Variants in PLK4 observed in about 807,000 individuals in gnomAD.
PLK4 encodes the protein serine/threonine-protein kinase PLK4.
A neutral mutation model predicts 103.0 loss-of-function variants in PLK4; 51 were observed. That is an observed-to-expected ratio of 0.50 (90% CI 0.40 to 0.63). The LOEUF (loss-of-function observed/expected upper bound fraction) is 0.63, where lower values mean the gene tolerates loss of function less well. PLK4 is among the 20% of genes least tolerant of loss of function. The pLI, the probability that PLK4 is intolerant of heterozygous loss-of-function variation, is 0.00. For synonymous variants in PLK4, 389 were observed against 376.8 expected (o/e 1.03, Z -0.38); for missense variants, 1,054 against 1,151.0 (o/e 0.92, Z 1.22).
intron 8 of PLK4, 146 bp from the exon 9 acceptor site, chr4:127,891,433 A>C: frequency 2.2e-6 from 1 of 448,710 alleles, no homozygotes; most frequent in Non-Finnish European, 4.0e-6. Context: ...GTTAAAAAGC[A>C]AAAAAATTAC....
chr4:127,894,017 A>G (rs1167467509), intron 13 of PLK4, 136 bp downstream of exon 13: 6 of 590,386 alleles, frequency 1.0e-5, no homozygotes, highest in East Asian at 5.7e-5. Flanking sequence ...TTTATCCCAT[A>G]CTATTTATGT....
chr4:127,883,044 T>C (rs1734987771), intron 2 of PLK4, among the ~76,000 whole-genome samples: 1 of 152,194 alleles, frequency 6.6e-6, no homozygotes, highest in Non-Finnish European at 1.5e-5. Flanking sequence ...ATTATTTAAA[T>C]TGAGATAGGA....
chr4:127,893,903 C>G, intron 13 of PLK4, 22 bp downstream of exon 13: 1 of 1,251,986 alleles, frequency 8.0e-7, no homozygotes, highest in South Asian at 1.2e-5. Flanking sequence ...TATGTCACTT[C>G]TGTACTTTAA....
At position 127,883,261 on chromosome 4, in the gene PLK4, G is replaced by T; in HGVS notation, c.127-1G>T. 1.3e-6 allele frequency: 2 copies of T among 1,487,074 alleles called. No individual in the cohort carries two copies. The highest frequency in any genetic ancestry group is 1.9e-6 in the Non-Finnish European group (2 of 1,078,692). 92.1% of individuals were successfully genotyped at this position (1,487,074 alleles called of 1,614,324 possible). A position where few individuals can be genotyped will look rare whatever the true frequency, so the allele number is the denominator to read the frequency against. ...TCAACATTTAAACCTGTTATTTTTAGATAGATAAGAAAGCCATGTACAAAG... is the reference window on the plus strand; with the variant it reads ...TCAACATTTAAACCTGTTATTTTTATATAGATAAGAAAGCCATGTACAAAG... On this transcript the variant is annotated splice_acceptor_variant, in intron 2 of 15. Transcript: ENST00000270861. LOFTEE classifies it high-confidence loss of function.
intron 8 of PLK4, 135 bp from the exon 9 acceptor site, chr4:127,891,444 T>C: frequency 2.2e-6 from 1 of 454,306 alleles, no homozygotes; most frequent in Non-Finnish European, 3.9e-6. Flanking sequence ...AAAAAATTAC[T>C]TTTACAGAAT....
At position 127,892,399 on chromosome 4, in the gene PLK4, G is replaced by A. The variant is rs867308959; in HGVS notation, c.2073G>A (p.Arg691=). 12 of 1,579,074 alleles carry A rather than the reference G, an allele frequency of 7.6e-6. No homozygotes were observed. The highest frequency in any genetic ancestry group is 1.0e-5 in the Non-Finnish European group (12 of 1,167,382). ...KYWRKYQYAS[R]FVQLVRSKSP... is the part of the protein sequence containing the mutation. ...GGCGAAAATATCAATATGCTTCCAG[G>A]TTTGTACAGCTTGTAAGATCTAAAT... The change falls in exon 10 of 16, where the codon AGG becomes AGA. Residue 691 remains arginine (R), a synonymous_variant. Transcript: ENST00000270861.
intron 4 of PLK4, among the ~76,000 whole-genome samples, chr4:127,884,534 T>A (rs1735044763): frequency 6.6e-6 from 1 of 152,240 alleles, no homozygotes; most frequent in Admixed American, 6.5e-5. Flanking sequence ...CTGGGCTCAG[T>A]GGCTCACGCC....
intron 10 of PLK4, among the ~76,000 whole-genome samples, chr4:127,892,953 T>G (rs1735419238): frequency 6.6e-6 from 1 of 152,070 alleles, no homozygotes; most frequent in African/African-American, 2.4e-5. Context: ...TGAACTATTT[T>G]TTAATCTATA....
At chr4:127,884,594 A>G (rs1429084435) in intron 4 of PLK4, among the ~76,000 whole-genome samples, 1 of 152,200 alleles carries the variant, frequency 6.6e-6, no homozygotes. Context: ...ACCTGAGGTC[A>G]GGAGTTCGAG....
intron 14 of PLK4, 136 bp downstream of exon 14, chr4:127,895,229 T>G (rs1446270071): frequency 1.8e-6 from 1 of 552,468 alleles, no homozygotes; most frequent in African/African-American, 2.0e-5. Context: ...CTTTTAACAT[T>G]GGTTATATCA....
chr4:127,881,088 T>C lies in PLK4; in HGVS notation c.-47T>C. ...GCTTGGAGCGCTGCCTCGAAGGGAC[T>C]GCGTGAAGGAAGCTAATCCGGAGAA... On this transcript the variant is annotated 5_prime_UTR_variant, in exon 1 of 16. Coordinates refer to ENST00000270861, the MANE Select transcript of PLK4 (RefSeq NM_014264.5). 1 of 1,610,180 alleles carries C rather than the reference T, an allele frequency of 6.2e-7. No individual in the cohort carries two copies. Among genetic ancestry groups the C allele is most frequent in the Non-Finnish European group, 8.5e-7 (1 of 1,176,792 alleles).
chr4:127,884,080 A>T (rs1030696071), intron 4 of PLK4, among the ~76,000 whole-genome samples: 1 of 152,204 alleles, frequency 6.6e-6, no homozygotes, highest in African/African-American at 2.4e-5. Context: ...TTTAACTAGA[A>T]ATATTTCAAA....
rs1184403268 is a variant in PLK4, at chr4:127,883,366, T to A, written c.222+9T>A. On this transcript the variant is annotated intron_variant, in intron 3 of 15. Transcript: ENST00000270861. ...ATCCTTCTATCTTGGAGGTAAGATA[T>A]AAATTTTGTAGAAGTGACCAAGGAC... The A allele has an allele frequency of 1.3e-6, 2 of 1,536,486 alleles. No individual in the cohort carries two copies. The highest frequency in any genetic ancestry group is 1.8e-6 in the Non-Finnish European group (2 of 1,112,794).
rs999873894 is a variant in PLK4, at chr4:127,895,435, A to G, written c.2703+342A>G. ...ATTTTGGAAATTATTTGTAATCAAT[A>G]TTAGTAGAGTAACTTTCTTTTTTTT... On this transcript the variant is annotated intron_variant, in intron 14 of 15. Transcript: ENST00000270861. Among the ~76,000 whole-genome samples, 3 of 125,864 alleles carry G rather than the reference A, an allele frequency of 2.4e-5. No individual in the cohort carries two copies. The Admixed American group carries it at 2.5e-4, about 10-fold the overall frequency. 82.6% of individuals were successfully genotyped at this position (125,864 alleles called of 152,430 possible).
chr4:127,886,842 ACC>A, intron 5 of PLK4, 114 bp downstream of exon 5: 1 of 620,232 alleles, frequency 1.6e-6, no homozygotes, highest in Non-Finnish European at 2.7e-6. Context: ...AAAAAAAAAA[ACC>A]ACTGTCATGA....
At chr4:127,894,089 T>G (rs1735470088) in intron 13 of PLK4, among the ~76,000 whole-genome samples, 1 of 152,228 alleles carries the variant, frequency 6.6e-6, no homozygotes, top group South Asian at 2.1e-4. Flanking sequence ...TCACATGCTG[T>G]TCACTTGACC....
At position 127,893,342 on chromosome 4, in the gene PLK4, C is replaced by A; in HGVS notation, c.2246C>A (p.Ser749Tyr). 6.2e-7 allele frequency: 1 copy of A among 1,603,966 alleles called. No homozygotes were observed. The highest frequency in any genetic ancestry group is 1.1e-5 in the South Asian group (1 of 90,352). Reference protein sequence around the residue: ...FIQVIEKTGKSYTLKSESEVN... With the variant: ...FIQVIEKTGKYYTLKSESEVN... ...CAGGTGATTGAAAAGACAGGGAAGTCTTACACTTTAAAAAGTGAAAGTGAA... is the reference window on the plus strand; with the variant it reads ...CAGGTGATTGAAAAGACAGGGAAGTATTACACTTTAAAAAGTGAAAGTGAA... The change falls in exon 11 of 16, where the codon TCT becomes TAT. Residue 749 changes from serine to tyrosine, a missense_variant. Around this residue, in one of 4 missense-constraint regions of PLK4, gnomAD observed 680 missense variants for 660.3 expected, o/e 1.03. Coordinates refer to ENST00000270861, the MANE Select transcript of PLK4 (RefSeq NM_014264.5).
In PLK4 at chr4:127,893,287, G is replaced by T; in HGVS notation, c.2191G>T (p.Val731Leu). ...ADFEVWFYDG[V>L]KIHKTEDFIQ... The stretch of plus-strand genomic sequence containing the variant: ...GTTTTCTGATTTTTTTTTTTTAGGG[G>T]TAAAAATACACAAAACAGAAGATTT... The change falls in exon 11 of 16, where the codon GTA becomes TTA. Residue 731 changes from valine (V) to leucine (L), a missense_variant and splice_region_variant. This residue lies in a region of PLK4 where 680 missense variants were observed against 660.3 expected (regional missense o/e 1.03). Transcript: ENST00000270861. 1 of 1,548,276 alleles carries T rather than the reference G, an allele frequency of 6.5e-7. No individual in the cohort carries two copies. The highest frequency in any genetic ancestry group is 8.7e-7 in the Non-Finnish European group (1 of 1,144,764).
intron 8 of PLK4, 69 bp downstream of exon 8, chr4:127,891,265 C>A (rs1170014827): frequency 2.6e-6 from 2 of 781,460 alleles, no homozygotes; most frequent in Non-Finnish European, 4.1e-6. Context: ...CATTCTAATT[C>A]ATTTTACAAT....
Sources: allele counts gnomAD v4.1 joint callset (sites outside exome capture counted in the v4.1 genomes callset), GRCh38; gene constraint gnomAD v4.1.1; regional missense constraint gnomAD v4.1.1; transcripts MANE v1.5; gene names NCBI Gene and HGNC (gene_info 2026-07-23, HGNC 2026-07-21).